Variants in DSCAM observed in about 807,000 individuals in gnomAD.
DSCAM encodes the protein DS cell adhesion molecule, also known as cell adhesion molecule DSCAM.
In DSCAM, 47 loss-of-function variants were observed where a neutral mutation model predicts 217.7. That is an observed-to-expected ratio of 0.22 (90% CI 0.17 to 0.28). The LOEUF is 0.28. Among genes scored for constraint, DSCAM ranks in the 10% least tolerant of loss-of-function variants. The pLI, the probability that DSCAM is intolerant of heterozygous loss-of-function variation, is 1.00. For missense variants in DSCAM, 2,080 were observed against 2,618.3 expected, an observed-to-expected ratio of 0.79 and a Z score of 4.49; for synonymous variants, 1,056 against 1,015.3, an observed-to-expected ratio of 1.04 and a Z score of -0.76.
intron 15 of DSCAM, among the ~76,000 whole-genome samples, chr21:40,172,941 A>C (rs911230920): frequency 6.6e-6 from 1 of 152,240 alleles, no homozygotes; most frequent in Non-Finnish European, 1.5e-5. Context: ...GTATTTAGTA[A>C]AAATCAAAAT....
chr21:40,722,614 A>C (rs551432718), intron 1 of DSCAM, among the ~76,000 whole-genome samples: 1 of 152,276 alleles, frequency 6.6e-6, no homozygotes, highest in African/African-American at 2.4e-5. Context: ...AGAGAAAAAT[A>C]AAGGAACAGA....
At chr21:40,735,956 G>A (rs142517303) in intron 1 of DSCAM, among the ~76,000 whole-genome samples, 2 of 152,034 alleles carry the variant, frequency 1.3e-5, no homozygotes, top group East Asian at 3.9e-4. Context: ...CACTTCTGAT[G>A]CCAGGTGCAA....
intron 3 of DSCAM, among the ~76,000 whole-genome samples, chr21:40,613,804 GAA>G (rs528193281): frequency 7.2e-6 from 1 of 138,498 alleles, no homozygotes. Context: ...AGCAGAGAAG[GAA>G]AAAAAAAAAA....
At chr21:40,396,718 AC>A (rs1471644205) in intron 3 of DSCAM, among the ~76,000 whole-genome samples, 2 of 152,058 alleles carry the variant, frequency 1.3e-5, no homozygotes, top group Non-Finnish European at 1.5e-5. Flanking sequence ...TCCTACCACA[AC>A]TACTACCACT....
intron 16 of DSCAM, among the ~76,000 whole-genome samples, chr21:40,158,484 T>C (rs1303420640): frequency 6.6e-6 from 1 of 152,200 alleles, no homozygotes; most frequent in Non-Finnish European, 1.5e-5. Flanking sequence ...CTGTTAGGAA[T>C]GTGCTAGAAG....
chr21:40,500,675 G>A (rs1236912692), intron 3 of DSCAM, among the ~76,000 whole-genome samples: 1 of 152,158 alleles, frequency 6.6e-6, no homozygotes, highest in African/African-American at 2.4e-5. Flanking sequence ...AGTACCCAGG[G>A]GCTAAGAGCA....
intron 6 of DSCAM, among the ~76,000 whole-genome samples, chr21:40,340,066 A>G (rs974678586): frequency 6.6e-6 from 1 of 152,212 alleles, no homozygotes; most frequent in Non-Finnish European, 1.5e-5. Context: ...TAAAGTTTGT[A>G]TTAAATGCCG....
At chr21:40,512,030 G>C (rs1018151969) in intron 3 of DSCAM, among the ~76,000 whole-genome samples, 3 of 140,142 alleles carry the variant, frequency 2.1e-5, no homozygotes, top group African/African-American at 8.0e-5. Flanking sequence ...TTGAGGTCTT[G>C]CTTTTGGGGG....
At chr21:40,690,100 C>G (rs1447811870) in intron 3 of DSCAM, among the ~76,000 whole-genome samples, 1 of 152,188 alleles carries the variant, frequency 6.6e-6, no homozygotes, top group Admixed American at 6.5e-5. Context: ...AAATATAACC[C>G]TTCTCCACCT....
At chr21:40,020,233 T>G (rs773598584) in intron 32 of DSCAM, among the ~76,000 whole-genome samples, 1 of 152,164 alleles carries the variant, frequency 6.6e-6, no homozygotes, top group Non-Finnish European at 1.5e-5. Context: ...CCATATAAGA[T>G]GTGCCTGTCA....
intron 19 of DSCAM, among the ~76,000 whole-genome samples, chr21:40,127,372 T>C (rs1049436665): frequency 1.2e-4 from 18 of 152,206 alleles, no homozygotes; most frequent in African/African-American, 4.1e-4. Flanking sequence ...GTCTGGGACA[T>C]ATTTTCTTGA....
intron 30 of DSCAM, among the ~76,000 whole-genome samples, chr21:40,045,316 G>C (rs4816672): frequency 0.49 from 74,065 of 152,106 alleles, 18,996 homozygotes; most frequent in African/African-American, 0.63. Context: ...TCTCCTTAAG[G>C]CCTTGCCTAT....
chr21:40,278,706 T>C (rs1038405640), intron 10 of DSCAM, among the ~76,000 whole-genome samples: 1 of 151,760 alleles, frequency 6.6e-6, no homozygotes, highest in African/African-American at 2.4e-5. Context: ...TGAGATCTTG[T>C]CTCTAAAACA....
chr21:40,766,008 G>A (rs539219150), intron 1 of DSCAM, among the ~76,000 whole-genome samples: 10 of 152,320 alleles, frequency 6.6e-5, no homozygotes, highest in African/African-American at 1.9e-4. Context: ...TCACAGCCGC[G>A]GAGGCAGGCA....
At chr21:40,782,602 C>A (rs1365168053) in intron 1 of DSCAM, among the ~76,000 whole-genome samples, 1 of 152,110 alleles carries the variant, frequency 6.6e-6, no homozygotes, top group African/African-American at 2.4e-5. Flanking sequence ...TGGTGGCATG[C>A]ACCTGTAGAC....
chr21:40,260,447 C>T (rs1386451932), intron 11 of DSCAM, among the ~76,000 whole-genome samples: 1 of 152,218 alleles, frequency 6.6e-6, no homozygotes, highest in African/African-American at 2.4e-5. Flanking sequence ...TGGACACTTG[C>T]CATGACCTGC....
At chr21:40,592,378 T>A (rs895603628) in intron 3 of DSCAM, among the ~76,000 whole-genome samples, 6 of 152,162 alleles carry the variant, frequency 3.9e-5, no homozygotes, top group African/African-American at 1.4e-4. Context: ...TTTTAATAAG[T>A]TAAAGAGACT....
intron 3 of DSCAM, among the ~76,000 whole-genome samples, chr21:40,428,647 C>G (rs895809427): frequency 1.3e-5 from 2 of 152,068 alleles, no homozygotes; most frequent in East Asian, 1.9e-4. Context: ...AAAAACTAAA[C>G]GAGAAGGCAG....
At chr21:40,492,807 C>T (rs768948340) in intron 3 of DSCAM, among the ~76,000 whole-genome samples, 1 of 152,026 alleles carries the variant, frequency 6.6e-6, no homozygotes, top group Non-Finnish European at 1.5e-5. Flanking sequence ...AGAGGTAGAA[C>T]ACTTACTTAA....
Sources: allele counts gnomAD v4.1 joint callset (sites outside exome capture counted in the v4.1 genomes callset), GRCh38; gene constraint gnomAD v4.1.1; transcripts MANE v1.5; gene names NCBI Gene and HGNC (gene_info 2026-07-23, HGNC 2026-07-21).